CNBD1: variants seen among roughly 807,000 people sequenced by gnomAD.
The protein encoded by CNBD1 is cyclic nucleotide binding domain containing 1.
A neutral mutation model predicts 54.4 loss-of-function variants in CNBD1; 71 were observed. The ratio of observed to expected loss-of-function variants is 1.30; its 90% CI spans 1.08 to 1.59. The LOEUF is 1.59. Among genes scored for constraint, CNBD1 ranks in the 40% most tolerant of loss-of-function variants. The probability of loss-of-function intolerance (pLI) is 0.00; values close to 1 mark genes in which losing one functional copy is unlikely to be tolerated. For synonymous variants in CNBD1, 182 were observed against 170.7 expected (o/e 1.07, Z -0.51); for missense variants, 659 against 518.0 (o/e 1.27, Z -2.64).
intron 4 of CNBD1, among the ~76,000 whole-genome samples, chr8:87,057,543 C>A (rs1384048399): frequency 1.3e-5 from 2 of 152,156 alleles, no homozygotes; most frequent in Non-Finnish European, 2.9e-5. Flanking sequence ...CATGTCATGT[C>A]CTCACATTTC....
chr8:87,151,442 T>C (rs1257676520), intron 4 of CNBD1, among the ~76,000 whole-genome samples: 7 of 152,206 alleles, frequency 4.6e-5, no homozygotes, highest in Non-Finnish European at 1.0e-4. Context: ...GTAGATGGTG[T>C]TGTTTTGTAA....
intron 1 of CNBD1, among the ~76,000 whole-genome samples, chr8:86,874,986 T>TTTTATATATATATATATATATATA (rs1304865331): frequency 8.3e-6 from 1 of 120,120 alleles, no homozygotes; most frequent in African/African-American, 3.5e-5. Context: ...GTAAATCAAT[T>TTTTATATATATATATATATATATA]TATATATATA....
At chr8:87,278,784 A>C (rs1450746464) in intron 6 of CNBD1, among the ~76,000 whole-genome samples, 1 of 151,494 alleles carries the variant, frequency 6.6e-6, no homozygotes, top group African/African-American at 2.4e-5. Context: ...TGACTGTATA[A>C]ATCAATATTA....
At chr8:87,033,611 G>A (rs1367729272) in intron 4 of CNBD1, among the ~76,000 whole-genome samples, 3 of 152,168 alleles carry the variant, frequency 2.0e-5, no homozygotes, top group Non-Finnish European at 4.4e-5. Context: ...GAGTTAGCCT[G>A]CCCCTTCCTG....
intron 4 of CNBD1, among the ~76,000 whole-genome samples, chr8:87,061,625 G>A (rs1296980600): frequency 6.6e-6 from 1 of 152,138 alleles, no homozygotes; most frequent in African/African-American, 2.4e-5. Context: ...CCCATTCTGA[G>A]ATTTGTTTAA....
chr8:87,131,189 G>A (rs1291250588), intron 4 of CNBD1, among the ~76,000 whole-genome samples: 6 of 151,274 alleles, frequency 4.0e-5, no homozygotes, highest in South Asian at 2.1e-4. Context: ...TGAAATTTTC[G>A]TGTGCTTGGA....
chr8:86,887,604 C>A lies in CNBD1; in HGVS notation c.151C>A (p.Gln51Lys). The A allele has an allele frequency of 6.3e-7, 1 of 1,578,242 alleles. No individual in the cohort carries two copies. Among genetic ancestry groups the A allele is most frequent in the Non-Finnish European group, 8.6e-7 (1 of 1,158,918 alleles). Residue 51 changes from glutamine to lysine, a missense_variant, in exon 2 of 11, where the codon CAA (glutamine) becomes AAA (lysine). Gln to Lys is a moderately conservative substitution (Grantham distance 53). Transcript: ENST00000518476. ...GAATGCATTATGCCACATTAGAGGACAACACAGGTAAGCTATTCATGCATT... is the reference window on the plus strand; with the variant it reads ...GAATGCATTATGCCACATTAGAGGAAAACACAGGTAAGCTATTCATGCATT... ...QLNALCHIRG[Q>K]HSRSMSNILS...
At chr8:87,298,161 C>A (rs529287147) in intron 8 of CNBD1, among the ~76,000 whole-genome samples, 3 of 136,132 alleles carry the variant, frequency 2.2e-5, no homozygotes, top group African/African-American at 7.9e-5. Context: ...ATTGTAACTA[C>A]ATTGCTTTTT....
intron 3 of CNBD1, among the ~76,000 whole-genome samples, chr8:86,920,275 C>T (rs1410535378): frequency 2.0e-5 from 3 of 152,042 alleles, no homozygotes; most frequent in East Asian, 3.9e-4. Context: ...AGAAGTCCAA[C>T]CAGTAGTTAT....
At chr8:87,247,231 G>A (rs1478467129) in intron 6 of CNBD1, among the ~76,000 whole-genome samples, 5 of 152,104 alleles carry the variant, frequency 3.3e-5, no homozygotes, top group Non-Finnish European at 1.5e-5. Context: ...TTCTAGCACG[G>A]ACAAAGTCCA....
intron 6 of CNBD1, among the ~76,000 whole-genome samples, chr8:87,260,669 C>T (rs751187777): frequency 3.7e-4 from 56 of 152,014 alleles, no homozygotes; most frequent in African/African-American, 9.9e-4. Context: ...TTTCCTTGAG[C>T]GGCCCTAGTG....
chr8:87,053,125 G>A (rs1205932456), intron 4 of CNBD1, among the ~76,000 whole-genome samples: 2 of 152,166 alleles, frequency 1.3e-5, no homozygotes, highest in Non-Finnish European at 2.9e-5. Context: ...CTATGTGCCT[G>A]CCTGATATGA....
At chr8:86,932,558 T>G (rs779169629) in intron 3 of CNBD1, among the ~76,000 whole-genome samples, 8 of 152,168 alleles carry the variant, frequency 5.3e-5, no homozygotes, top group Admixed American at 2.0e-4. Flanking sequence ...AAAGGAAAGC[T>G]TGGACATAAG....
chr8:87,229,637 A>G (rs1355068105), intron 5 of CNBD1, among the ~76,000 whole-genome samples: 1 of 152,120 alleles, frequency 6.6e-6, no homozygotes, highest in East Asian at 1.9e-4. Context: ...CAAATTTTAT[A>G]CTTTTCTCTG....
chr8:87,242,073 G>A (rs1232779484), intron 6 of CNBD1, among the ~76,000 whole-genome samples: 4 of 152,080 alleles, frequency 2.6e-5, no homozygotes, highest in African/African-American at 9.7e-5. Context: ...TGGTATTCAG[G>A]CACAACTGAC....
intron 2 of CNBD1, among the ~76,000 whole-genome samples, chr8:87,413,048 A>G (rs1380416335): frequency 6.6e-6 from 1 of 151,926 alleles, no homozygotes; most frequent in Admixed American, 6.6e-5. Context: ...ATAGGAGGGT[A>G]TGTATTCTAA....
At chr8:87,102,272 G>C (rs1811444345) in intron 4 of CNBD1, among the ~76,000 whole-genome samples, 1 of 152,086 alleles carries the variant, frequency 6.6e-6, no homozygotes, top group South Asian at 2.1e-4. Context: ...CTCTGAGTGG[G>C]CATGGGTACA....
chr8:87,275,286 A>G (rs1260686743), intron 6 of CNBD1, among the ~76,000 whole-genome samples: 1 of 136,996 alleles, frequency 7.3e-6, no homozygotes, highest in African/African-American at 2.9e-5. Context: ...TGAACTTTAA[A>G]GTAGTTTTTT....
rs138729860 is a variant in CNBD1, at chr8:87,363,929, C to G, written c.1303+10143C>G. ...GTGTTTTATTCATGAAGTCCTTGCC[C>G]ATGCCTATGTCCTGAATGGTATTGC... is the stretch of plus-strand genomic sequence containing the variant. On this transcript the variant is annotated intron_variant, in intron 10 of 10. Transcript: ENST00000518476. Among the ~76,000 whole-genome samples the G allele has an allele frequency of 1.0e-4, 15 of 149,424 alleles. No individual in the cohort carries two copies. The South Asian group carries it at 2.9e-3, about 29-fold the overall frequency.
Sources: allele counts gnomAD v4.1 joint callset (sites outside exome capture counted in the v4.1 genomes callset), GRCh38; gene constraint gnomAD v4.1.1; transcripts MANE v1.5; gene names NCBI Gene and HGNC (gene_info 2026-07-23, HGNC 2026-07-21).